Variants in PPP2R2C observed in about 807,000 individuals in gnomAD.
The protein encoded by PPP2R2C is protein phosphatase 2, regulatory subunit B, gamma.
A neutral mutation model predicts 45.3 loss-of-function variants in PPP2R2C; 10 were observed. The ratio of observed to expected loss-of-function variants is 0.22; its 90% CI spans 0.14 to 0.37. The LOEUF is 0.37. Ranked by LOEUF, PPP2R2C falls within the 10% of genes least tolerant of loss-of-function variation. The pLI is 1.00. For missense variants in PPP2R2C, 308 were observed against 619.7 expected (o/e 0.50, Z 5.34); for synonymous variants, 257 against 245.4 (o/e 1.05, Z -0.44).
Position 6,345,346 on chromosome 4 carries a change from G to A in PPP2R2C, c.790+2500C>T, listed in dbSNP as rs535161094. Among the ~76,000 whole-genome samples, 41 of 152,296 alleles carry A rather than the reference G, an allele frequency of 2.7e-4. No individual in the cohort carries two copies. Among genetic ancestry groups the A allele is most frequent in the Admixed American group, 7.2e-4 (11 of 15,306 alleles). The stretch of plus-strand genomic sequence containing the variant: ...AGTGTCCTGTAGTAGGCGGTGGAAC[G>A]GCCCCCAGAGACGGCTGCGTCCTGA... On this transcript the variant is annotated intron_variant, in intron 6 of 8. Coordinates refer to ENST00000382599, the MANE Select transcript of PPP2R2C (RefSeq NM_020416.4). This position sits in a 1 kb window ranked among gnomAD's most constrained non-coding sequence, Gnocchi z 5.3.
At chr4:6,344,299 C>T (rs966787792) in intron 6 of PPP2R2C, among the ~76,000 whole-genome samples, 1 of 152,182 alleles carries the variant, frequency 6.6e-6, no homozygotes, top group Admixed American at 6.5e-5. Flanking sequence ...ATTGAGTCAT[C>T]GAAAACACTC....
intron 1 of PPP2R2C, among the ~76,000 whole-genome samples, chr4:6,409,843 C>T (rs1316478066): frequency 6.6e-6 from 1 of 152,178 alleles, no homozygotes; most frequent in Non-Finnish European, 1.5e-5. Context: ...TTTTATCCTC[C>T]AAGCCTTTGC....
chr4:6,512,098 G>GTGA (rs1723598953), intron 2 of PPP2R2C, among the ~76,000 whole-genome samples: 1 of 47,428 alleles, frequency 2.1e-5, no homozygotes, highest in African/African-American at 9.6e-5. Context: ...GGTGGTGGTG[G>GTGA]TGGTGGTGGT....
At chr4:6,462,389 G>C (rs975374615) in intron 1 of PPP2R2C, among the ~76,000 whole-genome samples, 5 of 152,174 alleles carry the variant, frequency 3.3e-5, no homozygotes, top group Non-Finnish European at 7.3e-5. Context: ...TGAGGCAGGA[G>C]AATCACTTGA....
chr4:6,378,991 C>T lies in PPP2R2C; in HGVS notation c.169-419G>A, dbSNP rs115886808. Reference sequence around the variant, plus strand: ...TTCCCAGAGCCGTGAGGTCACTCTCCGGCGAGCACCCCTCTGCCGAGGCCT... The same window carrying T: ...TTCCCAGAGCCGTGAGGTCACTCTCTGGCGAGCACCCCTCTGCCGAGGCCT... On this transcript the variant is annotated intron_variant, in intron 2 of 8. Transcript: ENST00000382599. The surrounding 1 kb of genome is among the most constrained non-coding windows in gnomAD (Gnocchi z 5.2). Among the ~76,000 whole-genome samples, 5 of 151,456 alleles carry T rather than the reference C, an allele frequency of 3.3e-5. No homozygotes were observed. The highest frequency in any genetic ancestry group is 7.3e-5 in the African/African-American group (3 of 41,126).
chr4:6,448,284 G>C (rs1382308942), intron 1 of PPP2R2C, among the ~76,000 whole-genome samples: 2 of 152,128 alleles, frequency 1.3e-5, no homozygotes, highest in Non-Finnish European at 2.9e-5. Context: ...CACAGGCTGG[G>C]CACAGTGGCT....
rs1389741773 is a variant in PPP2R2C at position 6,333,666 on chromosome 4, C to T, written c.856G>A (p.Asp286Asn). ...FFSEIISSVSDVKFSHSGRYM... is the reference protein window; with the variant it reads ...FFSEIISSVSNVKFSHSGRYM... The stretch of plus-strand genomic sequence containing the variant: ...CGGCCGCTGTGGCTGAACTTCACGT[C>T]GGACACGGAGGAGATGATTTCCGAG... Residue 286 changes from aspartate (D) to asparagine (N), a missense_variant, in exon 7 of 9, where the codon GAC becomes AAC. Asp to Asn is a conservative substitution (Grantham distance 23). Transcript: ENST00000382599. 2 of 1,614,102 alleles carry T rather than the reference C, an allele frequency of 1.2e-6. No homozygotes were observed. Among genetic ancestry groups the T allele is most frequent in the Non-Finnish European group, 1.7e-6 (2 of 1,180,014 alleles).
Position 6,394,832 on chromosome 4 carries a change from A to C in PPP2R2C, c.71-13738T>G, listed in dbSNP as rs556205999. 3.3e-5 allele frequency among the ~76,000 whole-genome samples: 5 copies of C among 152,334 alleles called. No homozygotes were observed. In the South Asian group the frequency reaches 1.0e-3, roughly 32 times the overall value. On this transcript the variant is annotated intron_variant, in intron 1 of 8. Coordinates refer to ENST00000382599, the MANE Select transcript of PPP2R2C (RefSeq NM_020416.4). ...CGATGGGGGCCAAACTGGCCTGGTG[A>C]CAAGAACACCTCTCAGGTCCCATCA...
intron 6 of PPP2R2C, among the ~76,000 whole-genome samples, chr4:6,334,151 G>A (rs1732643914): frequency 6.6e-6 from 1 of 152,192 alleles, no homozygotes; most frequent in South Asian, 2.1e-4. Context: ...GGCACTGCTT[G>A]TGGCTCTGGC....
Position 6,332,857 on chromosome 4 carries a change from C to T in PPP2R2C, c.960+705G>A, listed in dbSNP as rs28526512. Among the ~76,000 whole-genome samples the T allele has an allele frequency of 0.038, 5,711 of 152,142 alleles. 330 individuals are homozygous for T. Among genetic ancestry groups the T allele is most frequent in the African/African-American group, 0.13 (5,430 of 41,444 alleles). ...CCATGTTTGCACGGCCAGATCTTAC[C>T]CATCCTTCAAGGCCCAGCACAAATG... On this transcript the variant is annotated intron_variant, in intron 7 of 8. Transcript: ENST00000382599. The surrounding 1 kb of genome is among the most constrained non-coding windows in gnomAD (Gnocchi z 4.9).
At chr4:6,528,333 G>A (rs1456623670) in intron 2 of PPP2R2C, among the ~76,000 whole-genome samples, 2 of 152,244 alleles carry the variant, frequency 1.3e-5, no homozygotes, top group Non-Finnish European at 2.9e-5. Context: ...CTGAACAGGG[G>A]CTTCCAGGGC....
rs559073560 is a variant in PPP2R2C, at chr4:6,441,218, T to C, written c.70+30942A>G. Among the ~76,000 whole-genome samples, 151 of 152,102 alleles carry C rather than the reference T, an allele frequency of 9.9e-4. 3 individuals carry two copies. In the South Asian group the frequency reaches 0.025, roughly 26 times the overall value. ...AAAAGCACCTCAGGGCCCTCATGCA[T>C]GAAAACACTAAAGTGATTAGGGAAT... On this transcript the variant is annotated intron_variant, in intron 1 of 8. Coordinates refer to ENST00000382599, the MANE Select transcript of PPP2R2C (RefSeq NM_020416.4).
At chr4:6,525,459 T>C (rs1382503824) in intron 2 of PPP2R2C, among the ~76,000 whole-genome samples, 1 of 151,446 alleles carries the variant, frequency 6.6e-6, no homozygotes, top group East Asian at 2.0e-4. Flanking sequence ...CCCAGATGAC[T>C]AAATGGACCC....
intron 1 of PPP2R2C, among the ~76,000 whole-genome samples, chr4:6,556,115 T>G (rs1215075706): frequency 6.6e-6 from 1 of 152,110 alleles, no homozygotes. Flanking sequence ...ATGGGGCACG[T>G]GGGGGTTCAT....
chr4:6,472,040 TG>T, intron 1 of PPP2R2C, 119 bp downstream of exon 1: 4 of 927,316 alleles, frequency 4.3e-6, no homozygotes, highest in Non-Finnish European at 5.7e-6. Context: ...TGGGGTGGGG[TG>T]GGGTGGGGCG....
chr4:6,479,307 G>A (rs192516620), intron 2 of PPP2R2C, among the ~76,000 whole-genome samples: 2 of 152,324 alleles, frequency 1.3e-5, no homozygotes, highest in East Asian at 1.9e-4. Context: ...CAAGCTTCCA[G>A]GTGGCTCTCT....
chr4:6,536,822 C>T (rs1434823416), intron 1 of PPP2R2C, among the ~76,000 whole-genome samples: 1 of 152,178 alleles, frequency 6.6e-6, no homozygotes, highest in Admixed American at 6.5e-5. Flanking sequence ...CAGCATGGAC[C>T]TGGGGAAATA....
intron 1 of PPP2R2C, among the ~76,000 whole-genome samples, chr4:6,404,101 G>A (rs1167027734): frequency 6.6e-6 from 1 of 152,176 alleles, no homozygotes; most frequent in African/African-American, 2.4e-5. Flanking sequence ...CCCACCAGGA[G>A]AGTTGATGTC....
intron 1 of PPP2R2C, among the ~76,000 whole-genome samples, chr4:6,426,225 G>A (rs754374921): frequency 2.8e-4 from 42 of 152,286 alleles, no homozygotes; most frequent in Non-Finnish European, 2.5e-4. Flanking sequence ...CTCCATCCTC[G>A]TCCATACTCA....
Sources: allele counts gnomAD v4.1 joint callset (sites outside exome capture counted in the v4.1 genomes callset), GRCh38; gene constraint gnomAD v4.1.1; non-coding constraint Gnocchi (gnomAD v3.1); transcripts MANE v1.5; gene names NCBI Gene and HGNC (gene_info 2026-07-23, HGNC 2026-07-21).